The following RBFOX3 variants were observed in gnomAD, a reference collection of about 807,000 sequenced individuals.
The protein encoded by RBFOX3 is RNA binding protein fox-1 homolog 3.
In RBFOX3, 17 loss-of-function variants were observed where a neutral mutation model predicts 48.7. The observed-to-expected ratio is 0.35, with a 90% CI of 0.24 to 0.52. The LOEUF (loss-of-function observed/expected upper bound fraction) is 0.52. Among genes scored for constraint, RBFOX3 ranks in the 20% least tolerant of loss-of-function variants. The pLI is 0.94. For synonymous variants in RBFOX3, 212 were observed against 209.5 expected (o/e 1.01, Z -0.10); for missense variants, 382 against 497.5 (o/e 0.77, Z 2.21).
At chr17:79,317,419 G>A (rs942103668) in intron 2 of RBFOX3, among the ~76,000 whole-genome samples, 3 of 152,226 alleles carry the variant, frequency 2.0e-5, no homozygotes, top group Admixed American at 6.5e-5. Flanking sequence ...AAGCCCCCAC[G>A]GGTTCAGCCT....
At chr17:79,637,119 T>C in the RBFOX3 span, among the ~76,000 whole-genome samples, 1 of 152,316 alleles carries the variant, frequency 6.6e-6, no homozygotes, top group African/African-American at 2.4e-5. Context: ...TATAAGTCTA[T>C]ATGCACTCAA....
chr17:79,358,373 G>C (rs1024723593), intron 2 of RBFOX3, among the ~76,000 whole-genome samples: 9 of 152,146 alleles, frequency 5.9e-5, no homozygotes, highest in African/African-American at 2.2e-4. Context: ...CCCCACCATC[G>C]GCACACTGCC....
chr17:79,337,977 C>T (rs975220229), intron 2 of RBFOX3, among the ~76,000 whole-genome samples: 12 of 149,792 alleles, frequency 8.0e-5, no homozygotes, highest in African/African-American at 1.5e-4. Context: ...CTCACAGTGT[C>T]ACCCAGGTTG....
chr17:79,527,934 T>C (rs1275825627), intron 1 of RBFOX3, among the ~76,000 whole-genome samples: 6 of 152,174 alleles, frequency 3.9e-5, no homozygotes, highest in African/African-American at 1.4e-4. Flanking sequence ...ACCTTCCTCT[T>C]TCTGCCGAGT....
chr17:79,661,309 T>TA, the RBFOX3 span, among the ~76,000 whole-genome samples: 24 of 149,146 alleles, frequency 1.6e-4, no homozygotes, highest in East Asian at 1.2e-3. Flanking sequence ...TAAAAAAGGT[T>TA]AAAAAAAAAA....
intron 2 of RBFOX3, among the ~76,000 whole-genome samples, chr17:79,356,347 A>AG (rs1205209276): frequency 0.013 from 876 of 66,990 alleles, 39 homozygotes; most frequent in Non-Finnish European, 0.02. Context: ...AAAACAGGGA[A>AG]GTTTTTTTTT....
intron 2 of RBFOX3, among the ~76,000 whole-genome samples, chr17:79,374,297 GACC>G (rs957561683): frequency 6.6e-6 from 1 of 152,176 alleles, no homozygotes; most frequent in African/African-American, 2.4e-5. Flanking sequence ...CAGGGCAAGG[GACC>G]ACCATCTCCC....
intron 3 of RBFOX3, among the ~76,000 whole-genome samples, chr17:79,281,912 A>G (rs1302831341): frequency 6.6e-6 from 1 of 152,212 alleles, no homozygotes; most frequent in Non-Finnish European, 1.5e-5. Context: ...ACAAGCCATT[A>G]GGCTGCAGAA....
chr17:79,257,525 G>T (rs1440009036), intron 3 of RBFOX3, among the ~76,000 whole-genome samples: 1 of 152,230 alleles, frequency 6.6e-6, no homozygotes, highest in Non-Finnish European at 1.5e-5. Flanking sequence ...TGGCCAAAGG[G>T]CTGCAGGGCC....
chr17:79,340,360 C>G (rs2081896086), intron 2 of RBFOX3, among the ~76,000 whole-genome samples: 1 of 151,590 alleles, frequency 6.6e-6, no homozygotes, highest in Non-Finnish European at 1.5e-5. Flanking sequence ...ATGTTGGGAG[C>G]CAGGCTGCCA....
chr17:79,620,520 C>T, the RBFOX3 span, among the ~76,000 whole-genome samples: 1 of 150,388 alleles, frequency 6.6e-6, no homozygotes, highest in East Asian at 2.0e-4. Flanking sequence ...CATACGTGCA[C>T]ATGCATACGC....
chr17:79,409,315 C>T (rs1463700019), intron 2 of RBFOX3, among the ~76,000 whole-genome samples: 2 of 152,180 alleles, frequency 1.3e-5, no homozygotes, highest in African/African-American at 2.4e-5. Context: ...AACGTGTGCA[C>T]ACATGGATTT....
intron 4 of RBFOX3, among the ~76,000 whole-genome samples, chr17:79,173,219 A>ATACGTACATACATACATAC (rs1555730608): frequency 1.3e-5 from 2 of 150,592 alleles, no homozygotes; most frequent in African/African-American, 4.9e-5. Flanking sequence ...TAAATAAATA[A>ATACGTACATACATACATAC]ATACATACAT....
At chr17:79,566,791 G>C (rs939861562) in intron 1 of RBFOX3, among the ~76,000 whole-genome samples, 1 of 152,236 alleles carries the variant, frequency 6.6e-6, no homozygotes, top group South Asian at 2.1e-4. Context: ...ACCTTCAGCC[G>C]AGCATTGCCC....
At chr17:79,585,575 TAATAA>T (rs2093222700) in intron 1 of RBFOX3, among the ~76,000 whole-genome samples, 1 of 151,604 alleles carries the variant, frequency 6.6e-6, no homozygotes, top group Non-Finnish European at 1.5e-5. Flanking sequence ...AATAAATAAA[TAATAA>T]AATAAAATAA....
chr17:79,375,245 A>G (rs1345722227), intron 2 of RBFOX3, among the ~76,000 whole-genome samples: 2 of 152,122 alleles, frequency 1.3e-5, no homozygotes, highest in Non-Finnish European at 2.9e-5. Context: ...GCTGGTCAAC[A>G]AGCCTTGATT....
intron 2 of RBFOX3, among the ~76,000 whole-genome samples, chr17:79,430,243 A>T (rs2068168842): frequency 1.3e-5 from 2 of 151,870 alleles, no homozygotes; most frequent in African/African-American, 4.8e-5. Context: ...AATTCTTAGG[A>T]GAGTGAACCT....
intron 3 of RBFOX3, among the ~76,000 whole-genome samples, chr17:79,246,784 C>T (rs772868361): frequency 1.5e-3 from 224 of 152,270 alleles, no homozygotes; most frequent in Admixed American, 5.6e-3. Context: ...ACCGAGGACG[C>T]GGCCTCCCAG....
chr17:79,658,105 G>GT, the RBFOX3 span, among the ~76,000 whole-genome samples: 1 of 152,268 alleles, frequency 6.6e-6, no homozygotes, highest in African/African-American at 2.4e-5. Context: ...TTTACTCGTG[G>GT]TTTTTTTAAG....
Sources: allele counts gnomAD v4.1 joint callset (sites outside exome capture counted in the v4.1 genomes callset), GRCh38; gene constraint gnomAD v4.1.1; transcripts MANE v1.5; gene names NCBI Gene and HGNC (gene_info 2026-07-23, HGNC 2026-07-21).